LOC128462377: variants seen among roughly 807,000 people sequenced by gnomAD.
chr16:89,371,504 T>C, the LOC128462377 span, among the ~76,000 whole-genome samples: 1 of 151,732 alleles, frequency 6.6e-6, no homozygotes, highest in Non-Finnish European at 1.5e-5. Flanking sequence ...ATGTGGTCTG[T>C]AGTCTGTGCA....
At chr16:89,393,678 A>G in the LOC128462377 span, among the ~76,000 whole-genome samples, 2 of 151,836 alleles carry the variant, frequency 1.3e-5, no homozygotes, top group Non-Finnish European at 2.9e-5. Context: ...CGTCCACCTC[A>G]GAGGATTTGT....
the LOC128462377 span, among the ~76,000 whole-genome samples, chr16:89,369,938 G>C: frequency 3.9e-5 from 6 of 152,112 alleles, no homozygotes; most frequent in African/African-American, 1.2e-4. Context: ...AACCAAACAC[G>C]GGGGGCCCAG....
the LOC128462377 span, among the ~76,000 whole-genome samples, chr16:89,417,326 A>G: frequency 1.3e-5 from 2 of 152,234 alleles, no homozygotes; most frequent in East Asian, 3.8e-4. Flanking sequence ...CTTTAAAACC[A>G]TGACTCACAC....
chr16:89,360,258 T>A, the LOC128462377 span, among the ~76,000 whole-genome samples: 10 of 151,896 alleles, frequency 6.6e-5, no homozygotes, highest in South Asian at 8.3e-4. Context: ...TATGGCTATG[T>A]TATCTTATCT....
At chr16:89,354,519 T>C in the LOC128462377 span, among the ~76,000 whole-genome samples, 117 of 152,260 alleles carry the variant, frequency 7.7e-4, no homozygotes, top group African/African-American at 2.7e-3. Flanking sequence ...CACCTGCTCT[T>C]GATAGGGAGG....
chr16:89,359,120 A>T, the LOC128462377 span, among the ~76,000 whole-genome samples: 12 of 152,124 alleles, frequency 7.9e-5, no homozygotes, highest in African/African-American at 2.9e-4. Context: ...ATAAAACATC[A>T]TTGTCACTGT....
chr16:89,387,644 G>T, the LOC128462377 span, among the ~76,000 whole-genome samples: 3 of 146,522 alleles, frequency 2.0e-5, no homozygotes. Flanking sequence ...CTGCACTCTA[G>T]CCTGGGCGAC....
At chr16:89,388,293 A>ATTTTTTTTTTTTTTTTT in the LOC128462377 span, among the ~76,000 whole-genome samples, 8 of 85,298 alleles carry the variant, frequency 9.4e-5, 1 homozygote, top group African/African-American at 1.3e-4. Context: ...CATGAGGCTG[A>ATTTTTTTTTTTTTTTTT]TTTTTTTTTT....
chr16:89,328,745 C>G, the LOC128462377 span, among the ~76,000 whole-genome samples: 1 of 137,102 alleles, frequency 7.3e-6, no homozygotes, highest in Non-Finnish European at 1.5e-5. Context: ...CCCAGGAGCA[C>G]GGGCGAAATC....
the LOC128462377 span, among the ~76,000 whole-genome samples, chr16:89,341,354 T>C: frequency 6.6e-6 from 1 of 152,132 alleles, no homozygotes; most frequent in Admixed American, 6.6e-5. Context: ...AAGCAGACAA[T>C]TTAAGTTGTA....
the LOC128462377 span, among the ~76,000 whole-genome samples, chr16:89,391,227 C>CAAA: frequency 1.0e-5 from 1 of 95,338 alleles, no homozygotes; most frequent in Admixed American, 1.1e-4. Context: ...GACTCTGTCT[C>CAAA]AAAAAAAAAA....
the LOC128462377 span, among the ~76,000 whole-genome samples, chr16:89,365,151 T>C: frequency 4.6e-5 from 7 of 152,362 alleles, no homozygotes; most frequent in African/African-American, 1.7e-4. Context: ...TTTTACTAGA[T>C]GATTAACTCA....
At chr16:89,349,449 C>T in the LOC128462377 span, among the ~76,000 whole-genome samples, 1 of 152,194 alleles carries the variant, frequency 6.6e-6, no homozygotes, top group South Asian at 2.1e-4. Flanking sequence ...CACTGCACTC[C>T]AGCCTGGGCG....
At chr16:89,370,105 G>A in the LOC128462377 span, among the ~76,000 whole-genome samples, 1 of 152,196 alleles carries the variant, frequency 6.6e-6, no homozygotes, top group African/African-American at 2.4e-5. Context: ...GCAGGAAGAA[G>A]ACACACTGCT....
the LOC128462377 span, among the ~76,000 whole-genome samples, chr16:89,365,759 T>A: frequency 1.3e-5 from 2 of 152,250 alleles, no homozygotes; most frequent in South Asian, 4.2e-4. Flanking sequence ...GTTTGTTACG[T>A]AGGTAAACTT....
At chr16:89,411,449 G>A in the LOC128462377 span, among the ~76,000 whole-genome samples, 186 of 152,248 alleles carry the variant, frequency 1.2e-3, no homozygotes, top group Non-Finnish European at 6.3e-4. Context: ...TAATCCTTCT[G>A]TCACCTAGAG....
At chr16:89,383,690 C>G in the LOC128462377 span, among the ~76,000 whole-genome samples, 1 of 150,898 alleles carries the variant, frequency 6.6e-6, no homozygotes, top group Non-Finnish European at 1.5e-5. Flanking sequence ...AGCAGACGTC[C>G]AGCCCCTGCC....
chr16:89,359,619 G>T, the LOC128462377 span, among the ~76,000 whole-genome samples: 15,224 of 152,210 alleles, frequency 0.1, 2,599 homozygotes, highest in African/African-American at 0.35. Context: ...GCACAGAGCT[G>T]CTCATTTCAG....
At chr16:89,371,921 G>A in the LOC128462377 span, among the ~76,000 whole-genome samples, 3 of 152,332 alleles carry the variant, frequency 2.0e-5, no homozygotes, top group African/African-American at 7.2e-5. Context: ...CTACTGACTG[G>A]CCTGTTACAG....
Sources: allele counts gnomAD v4.1 joint callset (sites outside exome capture counted in the v4.1 genomes callset), GRCh38; gene constraint gnomAD v4.1.1; transcripts MANE v1.5.